CACNA1E: variants seen among roughly 807,000 people sequenced by gnomAD.
CACNA1E encodes the protein calcium voltage-gated channel subunit alpha1 E.
CACNA1E carries 40 observed loss-of-function variants against 259.2 expected under a neutral mutation model. The ratio of observed to expected loss-of-function variants is 0.15; its 90% confidence interval spans 0.12 to 0.20. The LOEUF is 0.20. CACNA1E is among the 10% of genes least tolerant of loss of function. CACNA1E has a pLI of 1.00. For missense variants in CACNA1E, 1,874 were observed against 3,040.1 expected, an observed-to-expected ratio of 0.62 and a Z score of 9.02; for synonymous variants, 1,104 against 1,138.5, an observed-to-expected ratio of 0.97 and a Z score of 0.61.
intron 7 of CACNA1E, among the ~76,000 whole-genome samples, chr1:181,657,477 G>T (rs938609248): frequency 1.3e-5 from 2 of 152,162 alleles, no homozygotes; most frequent in African/African-American, 2.4e-5. Flanking sequence ...AAATTCAGGG[G>T]TTAGGAGAGG....
chr1:181,787,475 G>T (rs893035303), intron 43 of CACNA1E, among the ~76,000 whole-genome samples: 1 of 152,114 alleles, frequency 6.6e-6, no homozygotes, highest in Non-Finnish European at 1.5e-5. Context: ...TCTACAATTT[G>T]CTTTACAAAT....
chr1:181,627,125 A>G (rs945942621), intron 6 of CACNA1E, among the ~76,000 whole-genome samples: 3 of 152,222 alleles, frequency 2.0e-5, no homozygotes, highest in African/African-American at 7.2e-5. Context: ...AATGATAGAT[A>G]CTCTAGCAAG....
chr1:181,656,973 G>A (rs930851814), intron 7 of CACNA1E, among the ~76,000 whole-genome samples: 4 of 152,072 alleles, frequency 2.6e-5, no homozygotes, highest in Admixed American at 6.6e-5. Flanking sequence ...TACACATTCT[G>A]GTGTTCACAC....
intron 7 of CACNA1E, among the ~76,000 whole-genome samples, chr1:181,707,627 T>C (rs1652922064): frequency 1.3e-5 from 2 of 152,140 alleles, no homozygotes; most frequent in Admixed American, 6.5e-5. Flanking sequence ...CTGATTATAG[T>C]GGAGTCAAAT....
intron 2 of CACNA1E, among the ~76,000 whole-genome samples, chr1:181,421,444 G>A (rs1380493436): frequency 6.6e-6 from 1 of 152,134 alleles, no homozygotes; most frequent in Admixed American, 6.6e-5. Context: ...GACCTCACCA[G>A]GTCCACATAT....
intron 7 of CACNA1E, among the ~76,000 whole-genome samples, chr1:181,697,407 T>C (rs544854748): frequency 1.3e-5 from 2 of 152,346 alleles, no homozygotes; most frequent in South Asian, 4.1e-4. Context: ...TATTTTGTAG[T>C]TTTGTGAAAA....
intron 1 of CACNA1E, among the ~76,000 whole-genome samples, chr1:181,399,517 A>G (rs1223291920): frequency 1.3e-5 from 2 of 152,224 alleles, no homozygotes; most frequent in African/African-American, 4.8e-5. Context: ...AGAGCTATCT[A>G]AAGTTGGAAT....
chr1:181,730,574 G>A (rs1655369972), intron 18 of CACNA1E, among the ~76,000 whole-genome samples: 1 of 152,242 alleles, frequency 6.6e-6, no homozygotes, highest in South Asian at 2.1e-4. Context: ...TTGCTCAAAG[G>A]CAGAGGTCAC....
intron 47 of CACNA1E, 142 bp downstream of exon 47, chr1:181,797,000 G>T: frequency 1.7e-6 from 1 of 571,686 alleles, no homozygotes; most frequent in Non-Finnish European, 3.1e-6. Context: ...TACCTATAGT[G>T]CATAGAGGTT....
intron 1 of CACNA1E, among the ~76,000 whole-genome samples, chr1:181,359,161 A>G (rs1043329099): frequency 1.3e-5 from 2 of 152,206 alleles, no homozygotes; most frequent in Admixed American, 6.5e-5. Context: ...GTATGTGCTA[A>G]ATGCATAGCA....
intron 22 of CACNA1E, among the ~76,000 whole-genome samples, chr1:181,737,285 G>T (rs377258801): frequency 2.6e-5 from 4 of 152,192 alleles, no homozygotes; most frequent in Admixed American, 2.0e-4. Context: ...TGGCTCAGAC[G>T]TGTCTGTGGA....
chr1:181,703,257 G>C (rs1652454570), intron 7 of CACNA1E, among the ~76,000 whole-genome samples: 1 of 152,148 alleles, frequency 6.6e-6, no homozygotes, highest in South Asian at 2.1e-4. Flanking sequence ...TAATATAACA[G>C]CTACTTGGAG....
intron 1 of CACNA1E, among the ~76,000 whole-genome samples, chr1:181,497,347 A>G (rs1226397647): frequency 2.6e-5 from 4 of 152,218 alleles, no homozygotes; most frequent in African/African-American, 4.8e-5. Context: ...TCCACTGTGA[A>G]AAAGGCTGGG....
chr1:181,334,601 C>A (rs1316474387), intron 1 of CACNA1E, among the ~76,000 whole-genome samples: 1 of 152,212 alleles, frequency 6.6e-6, no homozygotes, highest in African/African-American at 2.4e-5. Flanking sequence ...ATTCTTGACA[C>A]CTCTCTTTCA....
At chr1:181,456,219 T>C (rs1416412851) in intron 2 of CACNA1E, among the ~76,000 whole-genome samples, 1 of 152,106 alleles carries the variant, frequency 6.6e-6, no homozygotes, top group African/African-American at 2.4e-5. Flanking sequence ...GAGTTCAGCC[T>C]CACAGGAAGG....
At chr1:181,465,207 T>G (rs1662079660) in intron 2 of CACNA1E, among the ~76,000 whole-genome samples, 1 of 152,186 alleles carries the variant, frequency 6.6e-6, no homozygotes, top group South Asian at 2.1e-4. Flanking sequence ...AATTGCTGCT[T>G]CTTGTAGGTA....
chr1:181,382,219 G>GA (rs1655507189), intron 1 of CACNA1E, among the ~76,000 whole-genome samples: 1 of 152,216 alleles, frequency 6.6e-6, no homozygotes, highest in African/African-American at 2.4e-5. Flanking sequence ...CTTGAGATGA[G>GA]AAAGACCCAA....
intron 3 of CACNA1E, among the ~76,000 whole-genome samples, chr1:181,576,007 A>AC (rs766204064): frequency 6.7e-6 from 1 of 150,276 alleles, no homozygotes; most frequent in East Asian, 1.9e-4. Context: ...AAATTATATG[A>AC]CCCCCTCCTT....
intron 33 of CACNA1E, among the ~76,000 whole-genome samples, chr1:181,763,190 A>G (rs1406018065): frequency 6.6e-6 from 1 of 152,118 alleles, no homozygotes; most frequent in East Asian, 1.9e-4. Flanking sequence ...CTTCTCCAGT[A>G]CATCCTTTAC....
Sources: allele counts gnomAD v4.1 joint callset (sites outside exome capture counted in the v4.1 genomes callset), GRCh38; gene constraint gnomAD v4.1.1; transcripts MANE v1.5; gene names NCBI Gene and HGNC (gene_info 2026-07-23, HGNC 2026-07-21).